The following TM4SF20 variants were observed in gnomAD, a reference collection of about 807,000 sequenced individuals.
TM4SF20 encodes the protein transmembrane 4 L six family member 20, also known as transmembrane 4 L6 family member 20.
A neutral mutation model predicts 15.1 loss-of-function variants in TM4SF20; 13 were observed. That is an observed-to-expected ratio of 0.86 (90% confidence interval 0.56 to 1.36). The LOEUF (loss-of-function observed/expected upper bound fraction) is 1.36, where lower values mean the gene tolerates loss of function less well. Among genes scored for constraint, TM4SF20 ranks in the 40% most tolerant of loss-of-function variants. The probability of loss-of-function intolerance (pLI) is 0.00; values close to 1 mark genes in which losing one functional copy is unlikely to be tolerated. For synonymous variants in TM4SF20, 92 were observed against 96.6 expected, an observed-to-expected ratio of 0.95 and a Z score of 0.28; for missense variants, 282 against 268.4, an observed-to-expected ratio of 1.05 and a Z score of -0.35.
At chr2:227,370,366 C>A (rs12623652) in intron 2 of TM4SF20, among the ~76,000 whole-genome samples, 1 of 152,010 alleles carries the variant, frequency 6.6e-6, no homozygotes, top group Admixed American at 6.6e-5. Flanking sequence ...AAGGACAATC[C>A]ACGGAAGACT....
At chr2:227,370,099 C>T (rs755985938) in intron 2 of TM4SF20, among the ~76,000 whole-genome samples, 1 of 152,054 alleles carries the variant, frequency 6.6e-6, no homozygotes, top group African/African-American at 2.4e-5. Context: ...AACTTCGTTA[C>T]GACTTTATAC....
intron 2 of TM4SF20, among the ~76,000 whole-genome samples, chr2:227,368,556 G>A (rs1474037984): frequency 6.6e-6 from 1 of 150,950 alleles, no homozygotes; most frequent in East Asian, 2.0e-4. Context: ...AGTAGAGACA[G>A]GGTTTCACCA....
chr2:227,373,919 C>A (rs547167496), intron 1 of TM4SF20, among the ~76,000 whole-genome samples: 2 of 79,196 alleles, frequency 2.5e-5, no homozygotes, highest in Non-Finnish European at 4.9e-5. Flanking sequence ...CAGAGCGAGA[C>A]TCCGTCTCAA....
At chr2:227,375,114 A>G (rs2076441098) in intron 1 of TM4SF20, among the ~76,000 whole-genome samples, 1 of 151,616 alleles carries the variant, frequency 6.6e-6, no homozygotes, top group African/African-American at 2.4e-5. Flanking sequence ...TTTTGATAGA[A>G]ACGGGTTTCT....
At chr2:227,377,160 T>C (rs2076455345) in intron 1 of TM4SF20, among the ~76,000 whole-genome samples, 1 of 152,210 alleles carries the variant, frequency 6.6e-6, no homozygotes, top group Admixed American at 6.5e-5. Flanking sequence ...GCAGAGCCAA[T>C]TTATATCTAA....
chr2:227,370,631 A>T lies in TM4SF20; in HGVS notation c.249+284T>A, dbSNP rs150677407. Among the ~76,000 whole-genome samples, 905 of 152,164 alleles carry T rather than the reference A, an allele frequency of 5.9e-3. 9 individuals are homozygous for T. Among genetic ancestry groups the T allele is most frequent in the African/African-American group, 0.02 (846 of 41,498 alleles). ...AAATTAGCTGGGCGTGATGGTGTGC[A>T]CCTGTAGTCCCAGCTATTCAGGAGG... On this transcript the variant is annotated intron_variant, in intron 2 of 3. Coordinates refer to ENST00000304568, the MANE Select transcript of TM4SF20 (RefSeq NM_024795.4).
At chr2:227,374,367 A>G (rs1560006728) in intron 1 of TM4SF20, among the ~76,000 whole-genome samples, 1 of 152,180 alleles carries the variant, frequency 6.6e-6, no homozygotes, top group African/African-American at 2.4e-5. Flanking sequence ...CTGCGGTTTC[A>G]ACCGCTTTCC....
intron 1 of TM4SF20, 26 bp from the exon 2 acceptor site, chr2:227,371,006 T>G (rs774519094): frequency 4.4e-6 from 7 of 1,595,162 alleles, no homozygotes; most frequent in Non-Finnish European, 6.0e-6. Context: ...ACAGGAAAGA[T>G]GAGTATTATA....
At chr2:227,366,011 G>A (rs75274263) in intron 3 of TM4SF20, 82 bp downstream of exon 3, 186,604 of 1,356,006 alleles carry the variant, frequency 0.14, 13,339 homozygotes, top group Non-Finnish European at 0.15. Context: ...TAAAAACATG[G>A]CATTGTTCCA....
intron 1 of TM4SF20, 90 bp downstream of exon 1, chr2:227,378,996 T>C (rs1200122444): frequency 2.3e-6 from 3 of 1,292,200 alleles, no homozygotes; most frequent in Non-Finnish European, 3.3e-6. Flanking sequence ...AGCCAAGACA[T>C]AGTTAACTGC....
chr2:227,368,117 G>A (rs547241578), intron 2 of TM4SF20, among the ~76,000 whole-genome samples: 19 of 142,634 alleles, frequency 1.3e-4, no homozygotes, highest in South Asian at 6.6e-4. Context: ...TCCGCCTCCC[G>A]GGTTCACGCC....
intron 2 of TM4SF20, among the ~76,000 whole-genome samples, chr2:227,366,918 T>C (rs984932449): frequency 6.6e-6 from 1 of 151,998 alleles, no homozygotes; most frequent in African/African-American, 2.4e-5. Flanking sequence ...TCATGTCTGG[T>C]CTCTTGGCTC....
intron 1 of TM4SF20, 51 bp from the exon 2 acceptor site, chr2:227,371,031 G>GA: frequency 6.8e-7 from 1 of 1,463,498 alleles, no homozygotes; most frequent in Non-Finnish European, 9.6e-7. Context: ...CTCATCAGAA[G>GA]AAAAAATAGT....
rs199949151 is a variant in TM4SF20, at chr2:227,363,697, T to C, written c.*27A>G. 3.9e-5 allele frequency: 61 copies of C among 1,583,158 alleles called. No homozygotes were observed. Among genetic ancestry groups the C allele is most frequent in the Non-Finnish European group, 4.6e-5 (54 of 1,164,838 alleles). On this transcript the variant is annotated 3_prime_UTR_variant, in exon 4 of 4. Coordinates refer to ENST00000304568, the MANE Select transcript of TM4SF20 (RefSeq NM_024795.4). ...TACTTCTCAAATTAATTCAAACTAC[T>C]GATACTTACATTTTATTCCCATTAA...
intron 1 of TM4SF20, among the ~76,000 whole-genome samples, chr2:227,374,172 T>C (rs1039718805): frequency 1.3e-5 from 2 of 151,464 alleles, no homozygotes; most frequent in African/African-American, 4.9e-5. Flanking sequence ...TGATGCAAAC[T>C]GAACTCTGGT....
intron 2 of TM4SF20, among the ~76,000 whole-genome samples, chr2:227,370,594 CT>C (rs1207661749): frequency 1.3e-5 from 2 of 152,060 alleles, no homozygotes; most frequent in Non-Finnish European, 2.9e-5. Flanking sequence ...CCCATCTCTA[CT>C]AAAAATACAA....
chr2:227,373,946 A>G, intron 1 of TM4SF20, among the ~76,000 whole-genome samples: 1 of 144,932 alleles, frequency 6.9e-6, no homozygotes, highest in African/African-American at 2.5e-5. Context: ...AAAAAAAAAA[A>G]TATGTGGAAG....
At chr2:227,364,468 T>C (rs1456814090) in intron 3 of TM4SF20, among the ~76,000 whole-genome samples, 1 of 151,454 alleles carries the variant, frequency 6.6e-6, no homozygotes, top group East Asian at 1.9e-4. Flanking sequence ...TGTACAGTTT[T>C]TACTGATTAA....
chr2:227,371,414 C>T (rs2106492567), intron 1 of TM4SF20, among the ~76,000 whole-genome samples: 1 of 152,294 alleles, frequency 6.6e-6, no homozygotes, highest in African/African-American at 2.4e-5. Flanking sequence ...GAGCATAGCT[C>T]ACTGTAGCCT....
Sources: allele counts gnomAD v4.1 joint callset (sites outside exome capture counted in the v4.1 genomes callset), GRCh38; gene constraint gnomAD v4.1.1; transcripts MANE v1.5; gene names NCBI Gene and HGNC (gene_info 2026-07-23, HGNC 2026-07-21).